TRPM3: variants seen among roughly 807,000 people sequenced by gnomAD.
TRPM3 encodes the protein long transient receptor potential channel 3.
In TRPM3, 77 loss-of-function variants were observed where a neutral mutation model predicts 181.2. That is an observed-to-expected ratio of 0.42 (90% CI 0.35 to 0.51). The LOEUF (loss-of-function observed/expected upper bound fraction) is 0.51, where lower values mean the gene tolerates loss of function less well. Ranked by LOEUF, TRPM3 falls within the 20% of genes least tolerant of loss-of-function variation. TRPM3 has a pLI of 0.01. For missense variants in TRPM3, 1,759 were observed against 2,196.7 expected, an observed-to-expected ratio of 0.80 and a Z score of 3.98; for synonymous variants, 745 against 796.4, an observed-to-expected ratio of 0.94 and a Z score of 1.09.
chr9:71,372,280 T>G (rs2092540275), intron 1 of TRPM3, among the ~76,000 whole-genome samples: 1 of 152,204 alleles, frequency 6.6e-6, no homozygotes, highest in African/African-American at 2.4e-5. Context: ...TTGTAAATAG[T>G]GCTTCAATGA....
chr9:70,637,113 T>A (rs539134644), intron 11 of TRPM3, among the ~76,000 whole-genome samples: 1 of 152,276 alleles, frequency 6.6e-6, no homozygotes, highest in South Asian at 2.1e-4. Flanking sequence ...GATTGTGCAG[T>A]GATTTAGCCT....
chr9:70,924,355 G>A (rs984038248), intron 1 of TRPM3, among the ~76,000 whole-genome samples: 2 of 151,682 alleles, frequency 1.3e-5, no homozygotes, highest in African/African-American at 2.4e-5. Context: ...CAATTATATT[G>A]TGAATATTTC....
At chr9:70,783,594 T>C (rs1271291833) in intron 7 of TRPM3, among the ~76,000 whole-genome samples, 3 of 152,132 alleles carry the variant, frequency 2.0e-5, no homozygotes, top group Non-Finnish European at 4.4e-5. Flanking sequence ...GTAGTTACCA[T>C]TACAGAGATT....
At chr9:71,239,097 A>C (rs944948113) in intron 1 of TRPM3, among the ~76,000 whole-genome samples, 3 of 152,152 alleles carry the variant, frequency 2.0e-5, no homozygotes, top group Non-Finnish European at 4.4e-5. Flanking sequence ...ACAAAAAAAA[A>C]CAGCATTTTA....
At chr9:70,973,259 T>C (rs973502210) in intron 1 of TRPM3, among the ~76,000 whole-genome samples, 7 of 152,170 alleles carry the variant, frequency 4.6e-5, no homozygotes, top group Admixed American at 2.0e-4. Context: ...ATTATCATAC[T>C]GACAAGGCCA....
chr9:70,671,220 G>C (rs1434980236), intron 9 of TRPM3, among the ~76,000 whole-genome samples: 2 of 152,044 alleles, frequency 1.3e-5, no homozygotes, highest in East Asian at 1.9e-4. Flanking sequence ...CTATCTTATA[G>C]ATGGGGAGAC....
chr9:70,545,405 G>C (rs1564249708), intron 25 of TRPM3, among the ~76,000 whole-genome samples: 1 of 152,190 alleles, frequency 6.6e-6, no homozygotes, highest in Non-Finnish European at 1.5e-5. Flanking sequence ...CAGGGTAGTA[G>C]ATGATCTGCT....
At chr9:70,941,832 C>T (rs2096888913) in intron 1 of TRPM3, among the ~76,000 whole-genome samples, 1 of 152,144 alleles carries the variant, frequency 6.6e-6, no homozygotes, top group African/African-American at 2.4e-5. Flanking sequence ...ACTTATTGGA[C>T]TCTTTGGATA....
chr9:71,406,569 TAAATAGAGA>T (rs1274006571), intron 1 of TRPM3, among the ~76,000 whole-genome samples: 1 of 152,148 alleles, frequency 6.6e-6, no homozygotes, highest in Non-Finnish European at 1.5e-5. Context: ...CACCTTTTTT[TAAATAGAGA>T]AAATAGAAAT....
At chr9:71,155,300 A>G (rs1255044045) in intron 1 of TRPM3, among the ~76,000 whole-genome samples, 1 of 151,814 alleles carries the variant, frequency 6.6e-6, no homozygotes, top group Admixed American at 6.6e-5. Context: ...AATACTTACT[A>G]TATGCCAAAG....
At chr9:70,858,966 G>A (rs894475675) in intron 3 of TRPM3, among the ~76,000 whole-genome samples, 3 of 152,064 alleles carry the variant, frequency 2.0e-5, no homozygotes, top group Non-Finnish European at 4.4e-5. Flanking sequence ...CAGCATTTCA[G>A]GGTAATGATA....
intron 12 of TRPM3, among the ~76,000 whole-genome samples, chr9:70,627,118 G>A (rs1437891732): frequency 6.6e-6 from 1 of 152,080 alleles, no homozygotes; most frequent in Admixed American, 6.5e-5. Context: ...AGTCATCCCT[G>A]GTTGGAATAG....
At chr9:71,305,823 C>A (rs2134860) in intron 1 of TRPM3, among the ~76,000 whole-genome samples, 123,295 of 151,928 alleles carry the variant, frequency 0.81, 50,284 homozygotes, top group Middle Eastern at 0.86. Flanking sequence ...TGTTCTTTAC[C>A]GCCATATCTG....
At chr9:70,592,839 T>G (rs2058350568) in intron 21 of TRPM3, among the ~76,000 whole-genome samples, 1 of 152,102 alleles carries the variant, frequency 6.6e-6, no homozygotes, top group South Asian at 2.1e-4. Context: ...TAAGCAATTG[T>G]CTGCCTCAGC....
At chr9:71,059,850 CACAT>C (rs1390979426) in intron 1 of TRPM3, among the ~76,000 whole-genome samples, 1 of 152,040 alleles carries the variant, frequency 6.6e-6, no homozygotes, top group Admixed American at 6.6e-5. Flanking sequence ...TTTACACACA[CACAT>C]ACACCCTATT....
intron 12 of TRPM3, among the ~76,000 whole-genome samples, chr9:70,628,152 G>A (rs565219402): frequency 2.0e-5 from 3 of 152,330 alleles, no homozygotes; most frequent in African/African-American, 7.2e-5. Context: ...ACTGTTAGGC[G>A]AGGCTGTTAT....
intron 3 of TRPM3, among the ~76,000 whole-genome samples, chr9:70,847,058 C>T (rs117270851): frequency 0.068 from 10,331 of 152,072 alleles, 486 homozygotes; most frequent in South Asian, 0.098. Flanking sequence ...TTTAAAATAA[C>T]ATAATAGTGA....
intron 1 of TRPM3, among the ~76,000 whole-genome samples, chr9:71,218,382 AT>A (rs777136798): frequency 2.2e-4 from 34 of 152,218 alleles, no homozygotes; most frequent in Non-Finnish European, 4.1e-4. Flanking sequence ...AGGTAGATAT[AT>A]TTTTATAACC....
At chr9:71,205,869 G>A (rs1291796258) in intron 1 of TRPM3, among the ~76,000 whole-genome samples, 1 of 152,160 alleles carries the variant, frequency 6.6e-6, no homozygotes, top group Admixed American at 6.5e-5. Context: ...CCCTGTGTTT[G>A]CACACTGTGA....
Sources: gnomAD v4.1 joint callset for allele counts (sites outside exome capture counted in the v4.1 genomes callset) on GRCh38, gnomAD v4.1.1 for gene constraint, MANE v1.5 for transcripts, NCBI Gene and HGNC (gene_info 2026-07-23, HGNC 2026-07-21) for gene names.